The following WDPCP variants were observed in gnomAD, a reference collection of about 807,000 sequenced individuals.
The protein encoded by WDPCP is WD repeat containing planar cell polarity effector.
A neutral mutation model predicts 93.1 loss-of-function variants in WDPCP; 71 were observed. The observed-to-expected ratio is 0.76, with a 90% CI of 0.63 to 0.93. The LOEUF is 0.93. WDPCP is among the 40% of genes least tolerant of loss of function. The pLI is 0.00. For missense variants in WDPCP, 844 were observed against 887.4 expected (o/e 0.95, Z 0.62); for synonymous variants, 315 against 315.0 (o/e 1.00, Z 0.00).
chr2:63,634,670 G>A (rs748289567), intron 3 of WDPCP, among the ~76,000 whole-genome samples: 3 of 151,984 alleles, frequency 2.0e-5, no homozygotes, highest in South Asian at 2.1e-4. Flanking sequence ...TTACAAATAT[G>A]TTAAAATTAA....
intron 2 of WDPCP, among the ~76,000 whole-genome samples, chr2:63,686,362 A>G (rs1351324419): frequency 2.0e-5 from 3 of 152,152 alleles, no homozygotes; most frequent in Non-Finnish European, 4.4e-5. Context: ...CAAATAAAAT[A>G]CCTACAAATT....
intron 14 of WDPCP, among the ~76,000 whole-genome samples, chr2:63,189,725 G>A (rs965831973): frequency 7.9e-5 from 12 of 152,066 alleles, no homozygotes; most frequent in Non-Finnish European, 1.8e-4. Context: ...GATACATATA[G>A]CATATGGACT....
intron 1 of WDPCP, among the ~76,000 whole-genome samples, chr2:63,525,909 G>C (rs1354118345): frequency 6.6e-6 from 1 of 152,182 alleles, no homozygotes; most frequent in Admixed American, 6.5e-5. Flanking sequence ...CTGTAATATA[G>C]GTAAGTCCCA....
At chr2:63,468,329 C>A (rs1040315540) in intron 6 of WDPCP, among the ~76,000 whole-genome samples, 2 of 152,158 alleles carry the variant, frequency 1.3e-5, no homozygotes, top group Non-Finnish European at 2.9e-5. Context: ...AAGACCCAAA[C>A]TGACACTGAG....
chr2:63,537,862 G>A (rs1312308639), intron 1 of WDPCP, among the ~76,000 whole-genome samples: 1 of 152,166 alleles, frequency 6.6e-6, no homozygotes, highest in Non-Finnish European at 1.5e-5. Context: ...GCCATAACAG[G>A]TAACTTACTA....
chr2:63,467,023 C>T (rs1699385070), intron 6 of WDPCP, among the ~76,000 whole-genome samples: 2 of 152,220 alleles, frequency 1.3e-5, no homozygotes, highest in Non-Finnish European at 2.9e-5. Flanking sequence ...AAAAAGAAGA[C>T]CAAGTGTTTC....
At chr2:63,707,060 T>C (rs1558889835) in intron 2 of WDPCP, among the ~76,000 whole-genome samples, 1 of 152,194 alleles carries the variant, frequency 6.6e-6, no homozygotes, top group Non-Finnish European at 1.5e-5. Flanking sequence ...GCCTTTAACT[T>C]TTTTTCCTTC....
intron 9 of WDPCP, among the ~76,000 whole-genome samples, chr2:63,420,495 T>C (rs1047778380): frequency 5.3e-5 from 8 of 150,110 alleles, no homozygotes; most frequent in Admixed American, 2.0e-4. Flanking sequence ...CACGGCACCA[T>C]TGCACTCCAG....
At chr2:63,425,619 A>C (rs1291810700) in intron 9 of WDPCP, among the ~76,000 whole-genome samples, 1 of 152,236 alleles carries the variant, frequency 6.6e-6, no homozygotes, top group African/African-American at 2.4e-5. Context: ...CTAAACTAGG[A>C]AAAGAATCTC....
chr2:63,608,484 A>C (rs1163984588), intron 3 of WDPCP, among the ~76,000 whole-genome samples: 1 of 152,204 alleles, frequency 6.6e-6, no homozygotes, highest in Non-Finnish European at 1.5e-5. Flanking sequence ...ATATTGTATT[A>C]ATAAATATCT....
intron 1 of WDPCP, among the ~76,000 whole-genome samples, chr2:63,528,432 T>C (rs1017538821): frequency 4.6e-5 from 7 of 152,254 alleles, no homozygotes; most frequent in Non-Finnish European, 1.0e-4. Flanking sequence ...GCTTTCTACA[T>C]ATGACTAGCC....
intron 9 of WDPCP, among the ~76,000 whole-genome samples, chr2:63,417,144 A>G (rs1695493322): frequency 6.6e-6 from 1 of 152,236 alleles, no homozygotes; most frequent in South Asian, 2.1e-4. Context: ...TCTAATGAGA[A>G]AGCCCTGGAT....
At chr2:63,332,508 G>A (rs1322277454) in intron 12 of WDPCP, among the ~76,000 whole-genome samples, 1 of 152,056 alleles carries the variant, frequency 6.6e-6, no homozygotes, top group East Asian at 1.9e-4. Context: ...CATTGTTCAT[G>A]TGCTACCTAG....
At chr2:63,482,581 C>T (rs1471098645) in intron 6 of WDPCP, among the ~76,000 whole-genome samples, 3 of 151,832 alleles carry the variant, frequency 2.0e-5, no homozygotes, top group Admixed American at 6.6e-5. Flanking sequence ...TATTGCGATA[C>T]CAGAGATCTT....
At chr2:63,451,110 A>T (rs1485942540) in intron 6 of WDPCP, among the ~76,000 whole-genome samples, 1 of 152,088 alleles carries the variant, frequency 6.6e-6, no homozygotes, top group Non-Finnish European at 1.5e-5. Context: ...AAGAAAAAGA[A>T]TTCAAGATAT....
At chr2:63,522,554 G>A (rs1010469720) in intron 1 of WDPCP, among the ~76,000 whole-genome samples, 5 of 150,480 alleles carry the variant, frequency 3.3e-5, no homozygotes, top group Non-Finnish European at 7.4e-5. Flanking sequence ...TAATAAGATA[G>A]ATAGACCACT....
At chr2:63,303,358 T>C (rs1244151318) in intron 13 of WDPCP, among the ~76,000 whole-genome samples, 1 of 152,182 alleles carries the variant, frequency 6.6e-6, no homozygotes, top group Non-Finnish European at 1.5e-5. Flanking sequence ...TGCTCTGGTG[T>C]GGTAGGACGT....
chr2:63,680,025 T>C (rs1035060321), intron 2 of WDPCP, among the ~76,000 whole-genome samples: 2 of 152,190 alleles, frequency 1.3e-5, no homozygotes, highest in African/African-American at 4.8e-5. Flanking sequence ...TTTTCATTCA[T>C]CTTTTCTACA....
intron 13 of WDPCP, among the ~76,000 whole-genome samples, chr2:63,267,413 A>C (rs1386127176): frequency 2.0e-5 from 3 of 152,218 alleles, no homozygotes; most frequent in African/African-American, 7.2e-5. Flanking sequence ...AAACTCCTCA[A>C]CATTTGCCTG....
Sources: gnomAD v4.1 joint callset for allele counts (sites outside exome capture counted in the v4.1 genomes callset) on GRCh38, gnomAD v4.1.1 for gene constraint, MANE v1.5 for transcripts, NCBI Gene and HGNC (gene_info 2026-07-23, HGNC 2026-07-21) for gene names.